Variants in PAX8 observed in about 807,000 individuals in gnomAD.
PAX8 encodes paired box 8.
A neutral mutation model predicts 52.4 loss-of-function variants in PAX8; 15 were observed. The ratio of observed to expected loss-of-function variants is 0.29; its 90% confidence interval spans 0.19 to 0.44. The LOEUF (loss-of-function observed/expected upper bound fraction) is 0.44, where lower values mean the gene tolerates loss of function less well. Ranked by LOEUF, PAX8 falls within the 20% of genes least tolerant of loss-of-function variation. PAX8 has a pLI of 1.00. For missense variants in PAX8, 554 were observed against 602.5 expected (o/e 0.92, Z 0.84); for synonymous variants, 284 against 249.7 (o/e 1.14, Z -1.29).
chr2:113,233,401 G>A (rs1479183834), intron 9 of PAX8, among the ~76,000 whole-genome samples: 1 of 151,684 alleles, frequency 6.6e-6, no homozygotes, highest in Non-Finnish European at 1.5e-5. Context: ...GGGTCCATGG[G>A]CTGGGTGCAG....
In PAX8 at chr2:113,218,291, A is replaced by G; in HGVS notation, c.*242T>C. ...TCAATTTTGTCTTTTTCAGCATGGC[A>G]TGGTTCTCTTTCCCTGGGACTCCTG... is the stretch of plus-strand genomic sequence containing the variant. On this transcript the variant is annotated 3_prime_UTR_variant, in exon 12 of 12. Coordinates refer to ENST00000429538, the MANE Select transcript of PAX8 (RefSeq NM_003466.4). The G allele has an allele frequency of 5.0e-6, 2 of 400,356 alleles. No individual in the cohort carries two copies. The highest frequency in any genetic ancestry group is 8.8e-6 in the Non-Finnish European group (2 of 226,480). 24.8% of individuals were successfully genotyped at this position (400,356 alleles called of 1,614,324 possible).
chr2:113,232,796 A>G (rs1689973070), intron 9 of PAX8, among the ~76,000 whole-genome samples: 1 of 151,964 alleles, frequency 6.6e-6, no homozygotes, highest in Non-Finnish European at 1.5e-5. Context: ...CTGCACTCTG[A>G]TACATCTATC....
rs2104487438 is a variant in PAX8, at chr2:113,242,075, G to A, written c.534C>T (p.Ser178=). The A allele has an allele frequency of 6.2e-7, 1 of 1,613,698 alleles. No homozygotes were observed. The highest frequency in any genetic ancestry group is 8.5e-7 in the Non-Finnish European group (1 of 1,179,726). ...PESPQSDSLG[S]TYSINGLLGI... Reference sequence around the variant, plus strand: ...CCAGGAGCCCATTGATGGAGTAGGTGGAGCCCAGGGAATCCGACTGGGGTG... The same window carrying A: ...CCAGGAGCCCATTGATGGAGTAGGTAGAGCCCAGGGAATCCGACTGGGGTG... Residue 178 remains serine, a synonymous_variant, in exon 6 of 12, where the codon TCC becomes TCT. Transcript: ENST00000429538.
chr2:113,226,177 T>TGGCA, intron 10 of PAX8: 4 of 985,388 alleles, frequency 4.1e-6, no homozygotes, highest in Non-Finnish European at 4.8e-6. Context: ...AGTGGGTGGC[T>TGGCA]GGCAAAGATT....
intron 11 of PAX8, 90 bp downstream of exon 11, chr2:113,220,002 C>T (rs975302588): frequency 1.1e-6 from 1 of 890,488 alleles, no homozygotes; most frequent in Non-Finnish European, 1.8e-6. Context: ...CTGAGGACTC[C>T]CAGCTTTCAG....
chr2:113,263,124 A>C (rs1045876010), intron 2 of PAX8, among the ~76,000 whole-genome samples: 1 of 152,190 alleles, frequency 6.6e-6, no homozygotes, highest in African/African-American at 2.4e-5. Context: ...GTAGAGGGTA[A>C]AATCCTTTCT....
chr2:113,260,475 T>C (rs1692586187), intron 2 of PAX8, among the ~76,000 whole-genome samples: 1 of 142,714 alleles, frequency 7.0e-6, no homozygotes, highest in Admixed American at 7.1e-5. Context: ...TGGGCACTGA[T>C]TTAAAAATCA....
intron 5 of PAX8, 28 bp downstream of exon 5, chr2:113,242,658 ATGTG>A (rs771654201): frequency 2.4e-5 from 35 of 1,440,294 alleles, no homozygotes; most frequent in Non-Finnish European, 3.4e-5. Context: ...GTACACGAGC[ATGTG>A]TGTGTATCCA....
intron 8 of PAX8, 66 bp from the exon 9 acceptor site, chr2:113,235,648 G>A (rs2104456902): frequency 7.3e-7 from 1 of 1,365,562 alleles, no homozygotes; most frequent in South Asian, 1.3e-5. Context: ...ACACGCACAA[G>A]CCAAGCCGTG....
intron 9 of PAX8, among the ~76,000 whole-genome samples, chr2:113,227,613 C>A (rs1689661225): frequency 6.6e-6 from 1 of 152,186 alleles, no homozygotes; most frequent in South Asian, 2.1e-4. Context: ...CAACAGCAGC[C>A]AGCAGAGCAG....
chr2:113,218,299 CT>C lies in PAX8; in HGVS notation c.*233del, dbSNP rs2104409499. The stretch of plus-strand genomic sequence containing the variant: ...GTCTTTTTCAGCATGGCATGGTTCT[CT>C]TTCCCTGGGACTCCTGCCCCTCATT... On this transcript the variant is annotated 3_prime_UTR_variant, in exon 12 of 12. Transcript: ENST00000429538. 1 of 402,064 alleles carries C rather than the reference CT, an allele frequency of 2.5e-6. No homozygotes were observed. Among genetic ancestry groups the C allele is most frequent in the East Asian group, 3.6e-5 (1 of 27,838 alleles). The allele number at this position is 402,064 out of a possible 1,614,324, so 24.9% of individuals were successfully genotyped here. A position where few individuals can be genotyped will look rare whatever the true frequency, so the allele number is the denominator to read the frequency against.
At chr2:113,267,593 A>C (rs1455097139) in intron 2 of PAX8, 1 of 152,200 alleles carries the variant, frequency 6.6e-6, no homozygotes, top group African/African-American at 2.4e-5. Flanking sequence ...CATAGCACAG[A>C]GCAGATTCCT....
chr2:113,260,750 C>G (rs1236199707), intron 2 of PAX8, among the ~76,000 whole-genome samples: 4 of 152,134 alleles, frequency 2.6e-5, no homozygotes, highest in African/African-American at 9.7e-5. Flanking sequence ...GGCCGAGATT[C>G]TTTGCTTCTG....
At chr2:113,241,979 G>A (rs756294729) in intron 6 of PAX8, 29 bp downstream of exon 6, 25 of 1,611,696 alleles carry the variant, frequency 1.6e-5, no homozygotes, top group East Asian at 2.2e-5. Flanking sequence ...CTCGTGCACC[G>A]CCCGCTGCCC....
Position 113,242,753 on chromosome 2 carries a change from G to T in PAX8, c.415C>A (p.Pro139Thr). ...NRIIRTKVQQ[P>T]FNLPMDSCVA... ...CAGCTGTCCATAGGGAGGTTGAATGGTTGCTGCACTTTGGTCCGGATGATT... is the reference window on the plus strand; with the variant it reads ...CAGCTGTCCATAGGGAGGTTGAATGTTTGCTGCACTTTGGTCCGGATGATT... The change falls in exon 5 of 12, where the codon CCA (proline) becomes ACA (threonine). Residue 139 changes from proline to threonine, a missense_variant. Physicochemically the swap from Pro to Thr is conservative, Grantham distance 38 (BLOSUM62 -1). This residue lies in a region of PAX8 where 109 missense variants were observed against 192.7 expected (regional missense o/e 0.57). Transcript: ENST00000429538. The T allele has an allele frequency of 6.2e-7, 1 of 1,613,940 alleles. No homozygotes were observed. The highest frequency in any genetic ancestry group is 8.5e-7 in the Non-Finnish European group (1 of 1,179,828).
In PAX8 at chr2:113,278,310, G is replaced by T. The variant is rs1331639414; in HGVS notation, c.25+60C>A. 1.1e-5 allele frequency: 14 copies of T among 1,311,724 alleles called. No individual in the cohort carries two copies. The East Asian group carries it at 2.6e-4, about 24-fold the overall frequency. 81.3% of individuals were successfully genotyped at this position (1,311,724 alleles called of 1,614,324 possible). On this transcript the variant is annotated intron_variant, in intron 2 of 11. Coordinates refer to ENST00000429538, the MANE Select transcript of PAX8 (RefSeq NM_003466.4). The stretch of plus-strand genomic sequence containing the variant: ...GCTCTCGAGATCCAACCACCCGAGC[G>T]CACGCACGGACGCTCAGCGGCGCGG...
At position 113,216,124 on chromosome 2, in the gene PAX8, G is replaced by A. The variant is rs886054782; in HGVS notation, c.*2409C>T. 4.4e-6 allele frequency: 1 copy of A among 229,106 alleles called. No individual in the cohort carries two copies. The highest frequency in any genetic ancestry group is 8.7e-6 in the Non-Finnish European group (1 of 115,526). 14.2% of individuals were successfully genotyped at this position (229,106 alleles called of 1,614,324 possible). On this transcript the variant is annotated 3_prime_UTR_variant, in exon 12 of 12. Coordinates refer to ENST00000429538, the MANE Select transcript of PAX8 (RefSeq NM_003466.4). ...CAAGGGATCGCTCTATGGGCTCCTT[G>A]GGATGCTGTGCTCAAAGTGATTCTT...
chr2:113,227,676 A>G (rs752786559), intron 9 of PAX8, among the ~76,000 whole-genome samples: 32 of 152,222 alleles, frequency 2.1e-4, no homozygotes, highest in Non-Finnish European at 3.8e-4. Flanking sequence ...CTCAGAGCTC[A>G]TCCCTTTCAT....
chr2:113,240,956 G>A (rs1240139255), intron 7 of PAX8: 1 of 187,112 alleles, frequency 5.3e-6, no homozygotes, highest in African/African-American at 2.4e-5. Flanking sequence ...AGGCAGGAGA[G>A]ATGATTCATG....
Sources: gnomAD v4.1 joint callset for allele counts (sites outside exome capture counted in the v4.1 genomes callset) on GRCh38, gnomAD v4.1.1 for gene constraint, gnomAD v4.1.1 regional missense constraint, MANE v1.5 for transcripts, NCBI Gene and HGNC (gene_info 2026-07-23, HGNC 2026-07-21) for gene names.